Variants in LBP observed in about 807,000 individuals in gnomAD.
LBP encodes lipopolysaccharide-binding protein.
In LBP, 53 loss-of-function variants were observed where a neutral mutation model predicts 56.6. That is an observed-to-expected ratio of 0.94 (90% confidence interval 0.75 to 1.18). The LOEUF is 1.18. Ranked by LOEUF, LBP falls within the 50% of genes most tolerant of loss-of-function variation. LBP has a pLI of 0.00. For missense variants in LBP, 601 were observed against 598.3 expected (o/e 1.00, Z -0.05); for synonymous variants, 227 against 247.5 (o/e 0.92, Z 0.78).
chr20:38,366,221 T>A (rs565810603), intron 8 of LBP, among the ~76,000 whole-genome samples: 20 of 152,118 alleles, frequency 1.3e-4, no homozygotes, highest in Middle Eastern at 3.4e-3. Flanking sequence ...CGAGGGTCAT[T>A]TTGTCCTTCT....
In LBP at chr20:38,376,907, A is replaced by C. The variant is rs985706344; in HGVS notation, c.*238A>C. ...GACCACCCTCCCCGACTGGCCTGGG[A>C]TATCTTTACAAGCAGGCACTGTATT... On this transcript the variant is annotated 3_prime_UTR_variant, in exon 15 of 15. Coordinates refer to ENST00000217407, the MANE Select transcript of LBP (RefSeq NM_004139.5). The C allele has an allele frequency of 1.5e-6, 1 of 666,856 alleles. No homozygotes were observed. Among genetic ancestry groups the C allele is most frequent in the African/African-American group, 1.8e-5 (1 of 56,382 alleles). The allele number at this position is 666,856 out of a possible 1,614,324, so 41.3% of individuals were successfully genotyped here. A position where few individuals can be genotyped will look rare whatever the true frequency, so the allele number is the denominator to read the frequency against.
intron 5 of LBP, among the ~76,000 whole-genome samples, chr20:38,359,715 G>GA (rs1401500360): frequency 6.6e-5 from 10 of 152,136 alleles, no homozygotes; most frequent in African/African-American, 2.4e-4. Context: ...ACTCCAGTAG[G>GA]GCCCAGTTGG....
In LBP at chr20:38,369,150, C is replaced by A. The variant is rs369101888; in HGVS notation, c.1137C>A (p.Phe379Leu). The change falls in exon 10 of 15, where the codon TTC (phenylalanine) becomes TTA (leucine). Residue 379 changes from phenylalanine to leucine, a missense_variant. Transcript: ENST00000217407. ...LLPSSSKEPV[F>L]RLSVATNVSA... ...CCAGCTCCAGCAAGGAGCCTGTCTT[C>A]CGGCTCAGTGTGGTAAGGTTCAGAG... is the stretch of plus-strand genomic sequence containing the variant. The A allele has an allele frequency of 1.2e-6, 2 of 1,613,906 alleles. No individual in the cohort carries two copies. Among genetic ancestry groups the A allele is most frequent in the Non-Finnish European group, 1.7e-6 (2 of 1,179,982 alleles).
At chr20:38,372,630 T>C (rs11536990) in intron 12 of LBP, among the ~76,000 whole-genome samples, 6,567 of 152,256 alleles carry the variant, frequency 0.043, 212 homozygotes, top group South Asian at 0.13. Context: ...TAATATGAAC[T>C]TTGAGGGGTT....
intron 4 of LBP, among the ~76,000 whole-genome samples, chr20:38,354,713 G>A (rs999577398): frequency 1.3e-4 from 20 of 152,076 alleles, no homozygotes; most frequent in African/African-American, 4.1e-4. Context: ...AGAAACTTTG[G>A]TTGAAGGAGA....
intron 9 of LBP, among the ~76,000 whole-genome samples, chr20:38,367,603 T>C (rs923880377): frequency 8.5e-5 from 13 of 152,222 alleles, no homozygotes; most frequent in Non-Finnish European, 1.9e-4. Context: ...TTGCCAATAT[T>C]ACCAGATTTT....
rs566660710 is a variant in LBP at position 38,366,768 on chromosome 20, G to C, written c.922-1G>C. The C allele has an allele frequency of 1.7e-4, 268 of 1,614,048 alleles. No individual in the cohort carries two copies. In the South Asian group the frequency reaches 2.8e-3, roughly 17 times the overall value. On this transcript the variant is annotated splice_acceptor_variant, in intron 8 of 14. Coordinates refer to ENST00000217407, the MANE Select transcript of LBP (RefSeq NM_004139.5). LOFTEE classifies it high-confidence loss of function. The stretch of plus-strand genomic sequence containing the variant: ...AACTTCTTCATGTCTCTTTGCTGCA[G>C]ATACCGCCTGACTCTAATATCCGAC...
chr20:38,359,235 T>C (rs959662114), intron 5 of LBP, among the ~76,000 whole-genome samples: 4 of 152,200 alleles, frequency 2.6e-5, no homozygotes, highest in African/African-American at 9.6e-5. Context: ...TTTTGGTTTT[T>C]TTTGCACCTC....
intron 1 of LBP, among the ~76,000 whole-genome samples, chr20:38,348,782 A>T (rs570237736): frequency 1.0e-3 from 136 of 131,280 alleles, no homozygotes; most frequent in Middle Eastern, 3.9e-3. Flanking sequence ...AGTTTAGTTT[A>T]GTTTAGTTTT....
At chr20:38,349,456 T>A (rs1449786022) in intron 1 of LBP, 92 bp from the exon 2 acceptor site, 8 of 875,348 alleles carry the variant, frequency 9.1e-6, no homozygotes, top group Non-Finnish European at 1.5e-5. Flanking sequence ...TGTTGGCCCC[T>A]CTCTTGAGGA....
intron 12 of LBP, 75 bp from the exon 13 acceptor site, chr20:38,372,997 T>C: frequency 7.8e-7 from 1 of 1,279,862 alleles, no homozygotes; most frequent in Non-Finnish European, 1.1e-6. Context: ...CCCAAGCGTT[T>C]TGCTATGTTG....
At chr20:38,373,733 CT>C (rs1255010963) in intron 13 of LBP, among the ~76,000 whole-genome samples, 1 of 149,990 alleles carries the variant, frequency 6.7e-6, no homozygotes, top group Non-Finnish European at 1.5e-5. Context: ...CCTGTGTGAC[CT>C]AGAACAAGTT....
Position 38,346,515 on chromosome 20 carries a change from G to A in LBP, c.-2G>A, listed in dbSNP as rs1240248371. 2 of 1,613,458 alleles carry A rather than the reference G, an allele frequency of 1.2e-6. No homozygotes were observed. Among genetic ancestry groups the A allele is most frequent in the East Asian group, 2.2e-5 (1 of 44,862 alleles). On this transcript the variant is annotated 5_prime_UTR_variant, in exon 1 of 15. Coordinates refer to ENST00000217407, the MANE Select transcript of LBP (RefSeq NM_004139.5). Reference sequence around the variant, plus strand: ...CCTGGCCCACTGCACTGGGAATCTAGGATGGGGGCCTTGGCCAGAGCCCTG... The same window carrying A: ...CCTGGCCCACTGCACTGGGAATCTAAGATGGGGGCCTTGGCCAGAGCCCTG...
intron 3 of LBP, among the ~76,000 whole-genome samples, chr20:38,351,338 C>CTGG (rs1197774148): frequency 6.6e-6 from 1 of 152,136 alleles, no homozygotes; most frequent in African/African-American, 2.4e-5. Context: ...GGAAGTCAGC[C>CTGG]TGGTGGGCAA....
In LBP at chr20:38,373,090, C is replaced by G; in HGVS notation, c.1279C>G (p.Leu427Val). The part of the protein sequence containing the change: ...GLFNAELLEA[L>V]LNYYILNTFY... ...CTTCCAGGCAGAGCTGTTGGAAGCG[C>G]TCCTCAACTATTACATCCTTAACAC... Residue 427 changes from leucine to valine, a missense_variant, in exon 13 of 15, where the codon CTC becomes GTC. By Grantham distance (32) the Leu-to-Val change is conservative. Coordinates refer to ENST00000217407, the MANE Select transcript of LBP (RefSeq NM_004139.5). The G allele has an allele frequency of 6.2e-7, 1 of 1,614,012 alleles. No homozygotes were observed. The highest frequency in any genetic ancestry group is 2.2e-5 in the East Asian group (1 of 44,882).
At chr20:38,353,667 G>T (rs560717681) in intron 3 of LBP, among the ~76,000 whole-genome samples, 1 of 151,940 alleles carries the variant, frequency 6.6e-6, no homozygotes, top group African/African-American at 2.4e-5. Context: ...GAAAGCTTGT[G>T]CCAATGTGCA....
At chr20:38,355,279 A>G in intron 4 of LBP, 67 bp from the exon 5 acceptor site, 4 of 1,441,840 alleles carry the variant, frequency 2.8e-6, no homozygotes, top group South Asian at 1.1e-5. Context: ...ACCAGGGACC[A>G]GGGCCTGGCT....
At chr20:38,375,035 G>C (rs576912835) in intron 14 of LBP, among the ~76,000 whole-genome samples, 24 of 149,482 alleles carry the variant, frequency 1.6e-4, no homozygotes, top group African/African-American at 5.4e-4. Flanking sequence ...GGCCTCAAGT[G>C]ATATGCTCAC....
intron 7 of LBP, 38 bp from the exon 8 acceptor site, chr20:38,364,538 C>G (rs77224292): frequency 6.2e-6 from 10 of 1,607,854 alleles, no homozygotes; most frequent in Non-Finnish European, 8.5e-6. Flanking sequence ...CCACGATAGG[C>G]TTTGAAAAGT....
Sources: allele counts gnomAD v4.1 joint callset (sites outside exome capture counted in the v4.1 genomes callset), GRCh38; gene constraint gnomAD v4.1.1; transcripts MANE v1.5; gene names NCBI Gene and HGNC (gene_info 2026-07-23, HGNC 2026-07-21).